The following CPTP variants were observed in gnomAD, a reference collection of about 807,000 sequenced individuals.
CPTP encodes GLTP domain-containing protein 1.
CPTP carries 5 observed loss-of-function variants against 5.7 expected under a neutral mutation model. The ratio of observed to expected loss-of-function variants is 0.88; its 90% CI spans 0.46 to 1.86. The LOEUF (loss-of-function observed/expected upper bound fraction) is 1.86, where lower values mean the gene tolerates loss of function less well. Among genes scored for constraint, CPTP ranks in the 40% most tolerant of loss-of-function variants. The probability of loss-of-function intolerance (pLI) is 0.01; values close to 1 mark genes in which losing one functional copy is unlikely to be tolerated. For synonymous variants in CPTP, 166 were observed against 142.7 expected (o/e 1.16, Z -1.16); for missense variants, 335 against 306.5 (o/e 1.09, Z -0.69).
rs1643322638 is a variant in CPTP at position 1,327,021 on chromosome 1, G to A, written c.111G>A (p.Lys37=). ...TGGACCCCTACATTGCCAGCTGGAA[G>A]GGCCTGGTCAGGTGCGTGTGCCAGG... ...VLLDPYIASW[K]GLVRFLNSLG... The change falls in exon 2 of 3, where the codon AAG becomes AAA. Residue 37 remains lysine, a synonymous_variant. Coordinates refer to ENST00000343938, the MANE Select transcript of CPTP (RefSeq NM_001029885.2). The A allele has an allele frequency of 2.5e-6, 4 of 1,613,196 alleles. No individual in the cohort carries two copies. The highest frequency in any genetic ancestry group is 1.7e-5 in the Admixed American group (1 of 60,002).
At position 1,327,013 on chromosome 1, in the gene CPTP, A is replaced by T. The variant is rs1643322512; in HGVS notation, c.103A>T (p.Ser35Cys). 6.2e-7 allele frequency: 1 copy of T among 1,613,254 alleles called. No homozygotes were observed. The highest frequency in any genetic ancestry group is 8.5e-7 in the Non-Finnish European group (1 of 1,179,990). Residue 35 changes from serine (S) to cysteine (C), a missense_variant, in exon 2 of 3, where the codon AGC (serine) becomes TGC (cysteine). Transcript: ENST00000343938. Reference protein sequence around the residue: ...EEVLLDPYIASWKGLVRFLNS... With the variant: ...EEVLLDPYIACWKGLVRFLNS... Reference sequence around the variant, plus strand: ...GGTCTTGCTGGACCCCTACATTGCCAGCTGGAAGGGCCTGGTCAGGTGCGT... The same window carrying T: ...GGTCTTGCTGGACCCCTACATTGCCTGCTGGAAGGGCCTGGTCAGGTGCGT...
rs767004432 is a variant in CPTP at position 1,327,609 on chromosome 1, C to T, written c.491C>T (p.Thr164Met). The T allele has an allele frequency of 4.7e-5, 76 of 1,611,774 alleles. No homozygotes were observed. The Admixed American group carries it at 6.8e-4, about 15-fold the overall frequency. ...VRRAVTVAFCTLPTREVFLEA... is the reference protein window; with the variant it reads ...VRRAVTVAFCMLPTREVFLEA... ...CGCGCCGTCACCGTGGCCTTCTGCA[C>T]GCTGCCCACACGCGAGGTCTTCCTG... The change falls in exon 3 of 3, where the codon ACG (threonine) becomes ATG (methionine). Residue 164 changes from threonine (T) to methionine (M), a missense_variant. Thr to Met is a moderately conservative substitution (Grantham distance 81). Coordinates refer to ENST00000343938, the MANE Select transcript of CPTP (RefSeq NM_001029885.2).
Position 1,327,500 on chromosome 1 carries a change from A to AG in CPTP, c.383dup (p.Ser128ArgfsTer203). Reference sequence around the variant, plus strand: ...GCTGTTCCTGGAGGGCCTGCGTACCAGCCCCGAGGACGCACGCACCTCCGC... The same window carrying AG: ...GCTGTTCCTGGAGGGCCTGCGTACCAGGCCCCGAGGACGCACGCACCTCCGC... On this transcript the variant is annotated frameshift_variant, in exon 3 of 3. Coordinates refer to ENST00000343938, the MANE Select transcript of CPTP (RefSeq NM_001029885.2). LOFTEE classifies it high-confidence loss of function. 4 of 1,573,826 alleles carry AG rather than the reference A, an allele frequency of 2.5e-6. No individual in the cohort carries two copies. Among genetic ancestry groups the AG allele is most frequent in the Non-Finnish European group, 3.4e-6 (4 of 1,163,950 alleles).
At position 1,327,345 on chromosome 1, in the gene CPTP, A is replaced by G. The variant is rs1217077721; in HGVS notation, c.227A>G (p.Tyr76Cys). The G allele has an allele frequency of 6.3e-7, 1 of 1,598,606 alleles. No homozygotes were observed. Among genetic ancestry groups the G allele is most frequent in the Non-Finnish European group, 8.5e-7 (1 of 1,179,338 alleles). ...RLRGGPQSEH[Y>C]RSLQAMVAHE... The stretch of plus-strand genomic sequence containing the variant: ...AGGGGCGGCCCGCAGAGCGAGCACT[A>G]CCGCAGCCTGCAGGCCATGGTGGCC... Residue 76 changes from tyrosine to cysteine, a missense_variant, in exon 3 of 3, where the codon TAC becomes TGC. Coordinates refer to ENST00000343938, the MANE Select transcript of CPTP (RefSeq NM_001029885.2).
At chr1:1,326,075 A>G (rs1643295026) in intron 1 of CPTP, among the ~76,000 whole-genome samples, 1 of 152,146 alleles carries the variant, frequency 6.6e-6, no homozygotes, top group African/African-American at 2.4e-5. Flanking sequence ...TGTGAATGCC[A>G]GCAGAATCCA....
In CPTP at chr1:1,327,424, G is replaced by T; in HGVS notation, c.306G>T (p.Glu102Asp). ...VDLERRSHHP[E>D]SGCRTVLRLH... ...TGGAGCGCCGCTCCCACCACCCGGA[G>T]TCTGGCTGCCGGACGGTGCTGCGCC... The change falls in exon 3 of 3, where the codon GAG (glutamate) becomes GAT (aspartate). Residue 102 changes from glutamate (E) to aspartate (D), a missense_variant. Coordinates refer to ENST00000343938, the MANE Select transcript of CPTP (RefSeq NM_001029885.2). 6.3e-7 allele frequency: 1 copy of T among 1,588,182 alleles called. No individual in the cohort carries two copies.
chr1:1,326,438 TAG>T (rs1643306774), intron 1 of CPTP, among the ~76,000 whole-genome samples: 3 of 152,162 alleles, frequency 2.0e-5, no homozygotes, highest in African/African-American at 7.2e-5. Context: ...TGCACCCAGA[TAG>T]ATGGCTAGGA....
rs1643341547 is a variant in CPTP at position 1,327,691 on chromosome 1, C to T, written c.573C>T (p.Leu191=). ...CCGTGCAGATGCTAGGCGAGGCCCT[C>T]CCCTTCATCCAGCGTGTCTACAACG... The part of the protein sequence containing the change: ...EQAVQMLGEA[L]PFIQRVYNVS... The change falls in exon 3 of 3, where the codon CTC becomes CTT. Residue 191 remains leucine, a synonymous_variant. Coordinates refer to ENST00000343938, the MANE Select transcript of CPTP (RefSeq NM_001029885.2). 3 of 1,612,790 alleles carry T rather than the reference C, an allele frequency of 1.9e-6. No homozygotes were observed. The highest frequency in any genetic ancestry group is 2.5e-6 in the Non-Finnish European group (3 of 1,179,938).
chr1:1,325,892 C>T (rs1224097786), intron 1 of CPTP, among the ~76,000 whole-genome samples: 6 of 152,166 alleles, frequency 3.9e-5, no homozygotes, highest in Non-Finnish European at 8.8e-5. Flanking sequence ...CAGCACCAAC[C>T]GGCCTAGGAA....
chr1:1,327,427 T>C lies in CPTP; in HGVS notation c.309T>C (p.Ser103=), dbSNP rs764808750. ...DLERRSHHPE[S]GCRTVLRLHR... Reference sequence around the variant, plus strand: ...AGCGCCGCTCCCACCACCCGGAGTCTGGCTGCCGGACGGTGCTGCGCCTGC... The same window carrying C: ...AGCGCCGCTCCCACCACCCGGAGTCCGGCTGCCGGACGGTGCTGCGCCTGC... The change falls in exon 3 of 3, where the codon TCT becomes TCC. Residue 103 remains serine, a synonymous_variant. Transcript: ENST00000343938. The C allele has an allele frequency of 1.7e-5, 27 of 1,586,544 alleles. No individual in the cohort carries two copies. In the South Asian group the frequency reaches 2.9e-4, roughly 17 times the overall value.
intron 1 of CPTP, among the ~76,000 whole-genome samples, chr1:1,326,318 GC>G (rs926590722): frequency 2.8e-5 from 4 of 143,190 alleles, no homozygotes; most frequent in Non-Finnish European, 6.1e-5. Flanking sequence ...CCCACCCCCG[GC>G]CCCACCTGTC....
chr1:1,328,059 A>AG lies in CPTP; in HGVS notation c.*300dup. The AG allele has an allele frequency of 2.0e-6, 1 of 495,110 alleles. No individual in the cohort carries two copies. The highest frequency in any genetic ancestry group is 3.9e-5 in the Admixed American group (1 of 25,886). The allele number at this position is 495,110 out of a possible 1,614,324, so 30.7% of individuals were successfully genotyped here. ...GGGTGCGGTGCAGAGCAGAGCAGGC[A>AG]GGGGTGGGGGCCGGGCCTGCAAGAG... On this transcript the variant is annotated 3_prime_UTR_variant, in exon 3 of 3. Transcript: ENST00000343938.
At chr1:1,325,941 G>A (rs912048425) in intron 1 of CPTP, among the ~76,000 whole-genome samples, 3 of 152,220 alleles carry the variant, frequency 2.0e-5, no homozygotes, top group Admixed American at 6.5e-5. Flanking sequence ...GAATGCAGCT[G>A]ACTCTCAGGT....
intron 1 of CPTP, 172 bp downstream of exon 1, chr1:1,325,274 G>A (rs956153217): frequency 5.9e-5 from 9 of 152,376 alleles, no homozygotes; most frequent in African/African-American, 2.2e-4. Context: ...CCCTGGGAAA[G>A]GCCTGGAGGT....
At position 1,327,785 on chromosome 1, in the gene CPTP, C is replaced by T; in HGVS notation, c.*22C>T. 2 of 1,607,046 alleles carry T rather than the reference C, an allele frequency of 1.2e-6. No homozygotes were observed. Among genetic ancestry groups the T allele is most frequent in the Non-Finnish European group, 1.7e-6 (2 of 1,179,094 alleles). On this transcript the variant is annotated 3_prime_UTR_variant, in exon 3 of 3. Transcript: ENST00000343938. ...CTAGGGGCGGGAAGCCAGGGCCGCA[C>T]CGGCTTTCCTGCTGCAGATCTGGGC...
chr1:1,326,403 C>T (rs1036195673), intron 1 of CPTP, among the ~76,000 whole-genome samples: 1 of 152,034 alleles, frequency 6.6e-6, no homozygotes, highest in Non-Finnish European at 1.5e-5. Flanking sequence ...CTGACCCCAC[C>T]CCAGATGGCT....
intron 1 of CPTP, among the ~76,000 whole-genome samples, chr1:1,326,381 C>G (rs1280199093): frequency 6.6e-6 from 1 of 151,470 alleles, no homozygotes; most frequent in East Asian, 1.9e-4. Flanking sequence ...AACTTCCTGT[C>G]TTTGTTGTCA....
chr1:1,325,775 C>G (rs981478821), intron 1 of CPTP, among the ~76,000 whole-genome samples: 2 of 152,172 alleles, frequency 1.3e-5, no homozygotes, highest in African/African-American at 2.4e-5. Context: ...GGGTGCTGAG[C>G]AACCTGCCCA....
chr1:1,327,525 C>A lies in CPTP; in HGVS notation c.407C>A (p.Ala136Glu). The change falls in exon 3 of 3, where the codon GCG (alanine) becomes GAG (glutamate). Residue 136 changes from alanine to glutamate, a missense_variant. Transcript: ENST00000343938. ...AGCCCCGAGGACGCACGCACCTCCG[C>A]GCTCTGCGCCGACTCCTACAACGCC... ...RTSPEDARTS[A>E]LCADSYNASL... 1 of 1,580,906 alleles carries A rather than the reference C, an allele frequency of 6.3e-7. No homozygotes were observed.
Sources: gnomAD v4.1 joint callset for allele counts (sites outside exome capture counted in the v4.1 genomes callset) on GRCh38, gnomAD v4.1.1 for gene constraint, MANE v1.5 for transcripts, NCBI Gene and HGNC (gene_info 2026-07-23, HGNC 2026-07-21) for gene names.